IGSF9: variants seen among roughly 807,000 people sequenced by gnomAD.
IGSF9 encodes immunoglobulin superfamily member 9, also known as protein turtle homolog A.
IGSF9 carries 87 observed loss-of-function variants against 121.7 expected under a neutral mutation model. The observed-to-expected ratio is 0.71, with a 90% confidence interval of 0.60 to 0.85. The LOEUF (loss-of-function observed/expected upper bound fraction) is 0.85. Among genes scored for constraint, IGSF9 ranks in the 40% least tolerant of loss-of-function variants. The pLI is 0.00. For synonymous variants in IGSF9, 640 were observed against 648.4 expected (o/e 0.99, Z 0.20); for missense variants, 1,462 against 1,565.3 (o/e 0.93, Z 1.11).
At position 159,928,639 on chromosome 1, in the gene IGSF9, A is replaced by G. The variant is rs1036348575; in HGVS notation, c.2749T>C (p.Leu917=). Residue 917 remains leucine, a synonymous_variant, in exon 19 of 21, where the codon TTG becomes CTG. Transcript: ENST00000368094. ...TGGAGCAGGGGTCCAGGACCTGGCAAGGGACTGGGTGGGGCTGCTGGAGGG... is the reference window on the plus strand; with the variant it reads ...TGGAGCAGGGGTCCAGGACCTGGCAGGGGACTGGGTGGGGCTGCTGGAGGG... ...APPPAAPPSP[L]PGPGPLLQYL... The G allele has an allele frequency of 7.4e-6, 11 of 1,485,012 alleles. No homozygotes were observed. Among genetic ancestry groups the G allele is most frequent in the Non-Finnish European group, 9.0e-6 (10 of 1,115,918 alleles). 92.0% of individuals were successfully genotyped at this position (1,485,012 alleles called of 1,614,324 possible). A position where few individuals can be genotyped will look rare whatever the true frequency, so the allele number is the denominator to read the frequency against.
In IGSF9 at chr1:159,930,756, G is replaced by A. The variant is rs750571089; in HGVS notation, c.1749C>T (p.Ser583=). Residue 583 remains serine (S), a synonymous_variant, in exon 14 of 21, where the codon AGC becomes AGT. Coordinates refer to ENST00000368094, the MANE Select transcript of IGSF9 (RefSeq NM_001135050.2). ...TCCCCAGCTTGTTCTGAGCTAGCAC[G>A]CTGAACTGGTACTGGGTGTGGGGCT... is the stretch of plus-strand genomic sequence containing the variant. ...GLQPHTQYQF[S]VLAQNKLGSG... is the part of the protein sequence containing the mutation. The A allele has an allele frequency of 5.6e-6, 9 of 1,614,114 alleles. No individual in the cohort carries two copies. In the South Asian group the frequency reaches 7.7e-5, roughly 14 times the overall value.
rs750090447 is a variant in IGSF9, at chr1:159,932,515, G to C, written c.1242C>G (p.Leu414=). 1 of 1,612,490 alleles carries C rather than the reference G, an allele frequency of 6.2e-7. No homozygotes were observed. The highest frequency in any genetic ancestry group is 8.5e-7 in the Non-Finnish European group (1 of 1,179,460). ...CCCCGCCCACCCCCGGCCTAACCTTGAGCAGCACGCGGGTCACAGGAGAGG... is the reference window on the plus strand; with the variant it reads ...CCCCGCCCACCCCCGGCCTAACCTTCAGCAGCACGCGGGTCACAGGAGAGG... ...AGPSPVTRVL[L]KAPPAFIERP... Residue 414 remains leucine (L), a synonymous_variant, in exon 10 of 21, where the codon CTC becomes CTG. Transcript: ENST00000368094. The surrounding 1 kb of genome is among the most constrained non-coding windows in gnomAD (Gnocchi z 4.1).
chr1:159,942,891 C>A lies in IGSF9; in HGVS notation c.247+72G>T, dbSNP rs1651437994. The A allele has an allele frequency of 1.1e-5, 14 of 1,289,408 alleles. No individual in the cohort carries two copies. In the South Asian group the frequency reaches 1.8e-4, roughly 16 times the overall value. The allele number at this position is 1,289,408 out of a possible 1,614,324, so 79.9% of individuals were successfully genotyped here. ...CAGGGACAAAGCCGTTCATAGGAGGCCTTGTGCGACTCTACCCAGCCCACC... is the reference window on the plus strand; with the variant it reads ...CAGGGACAAAGCCGTTCATAGGAGGACTTGTGCGACTCTACCCAGCCCACC... On this transcript the variant is annotated intron_variant, in intron 3 of 20. Transcript: ENST00000368094.
intron 5 of IGSF9, 37 bp from the exon 6 acceptor site, chr1:159,936,553 T>G (rs749567563): frequency 6.3e-7 from 1 of 1,593,994 alleles, no homozygotes; most frequent in African/African-American, 1.3e-5. Context: ...TCCTTTCCCC[T>G]GCCAGCCTCA....
chr1:159,929,039 AG>A (rs758258278), intron 18 of IGSF9, 21 bp from the exon 19 acceptor site: 65 of 1,511,930 alleles, frequency 4.3e-5, no homozygotes, highest in Non-Finnish European at 5.7e-5. Flanking sequence ...ACAGGAGATC[AG>A]GGTCTGTGGT....
chr1:159,936,608 C>G (rs1237459030), intron 5 of IGSF9, 92 bp from the exon 6 acceptor site: 4 of 1,527,976 alleles, frequency 2.6e-6, no homozygotes, highest in African/African-American at 1.4e-5. Context: ...GGCAGCACCC[C>G]AGGCTCGGGG....
chr1:159,935,958 C>G (rs1366507574), intron 6 of IGSF9, among the ~76,000 whole-genome samples: 2 of 152,210 alleles, frequency 1.3e-5, no homozygotes, highest in Admixed American at 1.3e-4. Flanking sequence ...TCTATGAAGG[C>G]ACAGTCCAGG....
At chr1:159,944,492 C>T (rs941308437) in intron 1 of IGSF9, among the ~76,000 whole-genome samples, 8 of 152,216 alleles carry the variant, frequency 5.3e-5, no homozygotes, top group Non-Finnish European at 1.2e-4. Context: ...ACCCAAATCC[C>T]TCCCACTCAC....
chr1:159,930,636 C>T (rs1438779581), intron 14 of IGSF9, 56 bp downstream of exon 14: 253 of 1,606,884 alleles, frequency 1.6e-4, no homozygotes, highest in Non-Finnish European at 4.0e-5. Flanking sequence ...TCCCAGCTCT[C>T]CCAGCAGCCC....
chr1:159,943,576 G>A lies in IGSF9; in HGVS notation c.-122C>T. The A allele has an allele frequency of 2.2e-6, 2 of 894,380 alleles. No homozygotes were observed. The highest frequency in any genetic ancestry group is 3.2e-6 in the Non-Finnish European group (2 of 630,304). 55.4% of individuals were successfully genotyped at this position (894,380 alleles called of 1,614,324 possible). On this transcript the variant is annotated 5_prime_UTR_variant, in exon 2 of 21. Coordinates refer to ENST00000368094, the MANE Select transcript of IGSF9 (RefSeq NM_001135050.2). Reference sequence around the variant, plus strand: ...CAGCTCTCACTCTTCTGTACAGTGAGGGCTTGGCTCATGTAACACCCGAGG... The same window carrying A: ...CAGCTCTCACTCTTCTGTACAGTGAAGGCTTGGCTCATGTAACACCCGAGG...
Position 159,932,280 on chromosome 1 carries a change from G to A in IGSF9, c.1245+232C>T. 1 of 592,466 alleles carries A rather than the reference G, an allele frequency of 1.7e-6. No homozygotes were observed. The allele number at this position is 592,466 out of a possible 1,614,324, so 36.7% of individuals were successfully genotyped here. On this transcript the variant is annotated intron_variant, in intron 10 of 20. Transcript: ENST00000368094. The surrounding 1 kb of genome is among the most constrained non-coding windows in gnomAD (Gnocchi z 4.1). ...AGGTTAGTGAGAGTTGGGGCAAACAGGATATCTTACTTCTGGATGTGTGTG... is the reference window on the plus strand; with the variant it reads ...AGGTTAGTGAGAGTTGGGGCAAACAAGATATCTTACTTCTGGATGTGTGTG...
chr1:159,930,042 G>C (rs1650933131), intron 15 of IGSF9, 67 bp from the exon 16 acceptor site: 1 of 1,569,046 alleles, frequency 6.4e-7, no homozygotes, highest in South Asian at 1.1e-5. Flanking sequence ...GCGGGGCGCG[G>C]AAAGACCGTG....
Position 159,943,498 on chromosome 1 carries a change from C to T in IGSF9, c.-44G>A, listed in dbSNP as rs1217660198. 6.7e-7 allele frequency: 1 copy of T among 1,498,052 alleles called. No individual in the cohort carries two copies. Among genetic ancestry groups the T allele is most frequent in the African/African-American group, 1.4e-5 (1 of 71,394 alleles). The allele number at this position is 1,498,052 out of a possible 1,614,324, so 92.8% of individuals were successfully genotyped here. The stretch of plus-strand genomic sequence containing the variant: ...ACCCAGCCCCTCCTATCCACAGGAG[C>T]CCAGATGGAGGGGCCAAGGGATGTC... On this transcript the variant is annotated 5_prime_UTR_variant, in exon 2 of 21. Coordinates refer to ENST00000368094, the MANE Select transcript of IGSF9 (RefSeq NM_001135050.2).
rs763515430 is a variant in IGSF9, at chr1:159,931,920, T to C, written c.1254A>G (p.Pro418=). ...PVTRVLLKAP[P]AFIERPKEEY... Reference sequence around the variant, plus strand: ...CTTCCTTGGGCCGCTCTATAAAAGCTGGGGGAGCCTGCAAGCCAGATCTGG... The same window carrying C: ...CTTCCTTGGGCCGCTCTATAAAAGCCGGGGGAGCCTGCAAGCCAGATCTGG... The change falls in exon 11 of 21, where the codon CCA becomes CCG. Residue 418 remains proline (P), a synonymous_variant. Transcript: ENST00000368094. This position sits in a 1 kb window ranked among gnomAD's most constrained non-coding sequence, Gnocchi z 4.8. The C allele has an allele frequency of 1.9e-6, 3 of 1,588,624 alleles. No individual in the cohort carries two copies. The highest frequency in any genetic ancestry group is 1.7e-6 in the Non-Finnish European group (2 of 1,171,694).
At position 159,932,102 on chromosome 1, in the gene IGSF9, T is replaced by C; in HGVS notation, c.1246-174A>G. The C allele has an allele frequency of 1.7e-6, 1 of 579,990 alleles. No individual in the cohort carries two copies. The highest frequency in any genetic ancestry group is 3.0e-6 in the Non-Finnish European group (1 of 329,408). 35.9% of individuals were successfully genotyped at this position (579,990 alleles called of 1,614,324 possible). ...TTCTCTCTCCATCTCTCAATTCCTC[T>C]CTGGCTCTGTTTCTGTTCCCCAGTG... On this transcript the variant is annotated intron_variant, in intron 10 of 20. Coordinates refer to ENST00000368094, the MANE Select transcript of IGSF9 (RefSeq NM_001135050.2). The surrounding 1 kb of genome is among the most constrained non-coding windows in gnomAD (Gnocchi z 4.1).
At chr1:159,938,756 T>C (rs1394332335) in intron 3 of IGSF9, among the ~76,000 whole-genome samples, 2 of 152,178 alleles carry the variant, frequency 1.3e-5, no homozygotes, top group East Asian at 3.8e-4. Flanking sequence ...TTTCCTCATC[T>C]GTAAAAAGAA....
chr1:159,927,969 G>T (rs1012279125), intron 19 of IGSF9, 82 bp from the exon 20 acceptor site: 1 of 1,530,682 alleles, frequency 6.5e-7, no homozygotes, highest in Non-Finnish European at 8.9e-7. Context: ...TTCAGCGACC[G>T]CAAACTCACG....
chr1:159,942,080 C>T (rs1651400550), intron 3 of IGSF9, among the ~76,000 whole-genome samples: 1 of 152,238 alleles, frequency 6.6e-6, no homozygotes, highest in African/African-American at 2.4e-5. Context: ...TCCTGGGTCT[C>T]CCCTCTGAAG....
chr1:159,927,437 G>A lies in IGSF9; in HGVS notation c.3448C>T (p.Leu1150=). The A allele has an allele frequency of 6.2e-7, 1 of 1,614,154 alleles. No individual in the cohort carries two copies. Among genetic ancestry groups the A allele is most frequent in the Non-Finnish European group, 8.5e-7 (1 of 1,180,044 alleles). ...GCATCTCGGCGGCGGCGGAAGGCCA[G>A]GAATTCCTCCCGAAGGGCAGCACAG... ...ARCAALREEF[L]AFRRRRDATR... The change falls in exon 21 of 21, where the codon CTG becomes TTG. Residue 1150 remains leucine (L), a synonymous_variant. Coordinates refer to ENST00000368094, the MANE Select transcript of IGSF9 (RefSeq NM_001135050.2).
Sources: gnomAD v4.1 joint callset for allele counts (sites outside exome capture counted in the v4.1 genomes callset) on GRCh38, gnomAD v4.1.1 for gene constraint, Gnocchi (gnomAD v3.1) non-coding constraint, MANE v1.5 for transcripts, NCBI Gene and HGNC (gene_info 2026-07-23, HGNC 2026-07-21) for gene names.